PSMD14: variants seen among roughly 807,000 people sequenced by gnomAD.
The protein encoded by PSMD14 is ubiquitin C-terminal hydrolase PSMD14.
In PSMD14, 7 loss-of-function variants were observed where a neutral mutation model predicts 41.2. That is an observed-to-expected ratio of 0.17 (90% CI 0.10 to 0.32). The LOEUF is 0.32. Among genes scored for constraint, PSMD14 ranks in the 10% least tolerant of loss-of-function variants. The probability of loss-of-function intolerance (pLI) is 1.00; values close to 1 mark genes in which losing one functional copy is unlikely to be tolerated. For missense variants in PSMD14, 139 were observed against 375.6 expected (o/e 0.37, Z 5.21); for synonymous variants, 114 against 122.3 (o/e 0.93, Z 0.45).
At position 161,394,267 on chromosome 2, in the gene PSMD14, C is replaced by G. The variant is rs1021238343; in HGVS notation, c.646-811C>G. ...GATTACAGGCATGAGCCACTGTGCC[C>G]GGCCTAGATAAATCTTTTATTTGAG... On this transcript the variant is annotated intron_variant, in intron 9 of 11. Transcript: ENST00000409682. 2.0e-5 allele frequency among the ~76,000 whole-genome samples: 3 copies of G among 152,092 alleles called. No individual in the cohort carries two copies. The East Asian group carries it at 5.8e-4, about 29-fold the overall frequency.
intron 7 of PSMD14, among the ~76,000 whole-genome samples, chr2:161,376,168 G>A (rs1374152947): frequency 6.6e-6 from 1 of 150,460 alleles, no homozygotes; most frequent in African/African-American, 2.4e-5. Context: ...AAAGAACACA[G>A]ACTTAGGGGT....
chr2:161,351,532 C>T lies in PSMD14; in HGVS notation c.49-15946C>T, dbSNP rs1574126258. ...TTCTCTGTAAAGGAAAGCCCTTTGCCCCCATTGTGTATTAATGAATTTACT... is the reference window on the plus strand; with the variant it reads ...TTCTCTGTAAAGGAAAGCCCTTTGCTCCCATTGTGTATTAATGAATTTACT... On this transcript the variant is annotated intron_variant, in intron 3 of 11. Transcript: ENST00000409682. Among the ~76,000 whole-genome samples, 3 of 152,186 alleles carry T rather than the reference C, an allele frequency of 2.0e-5. No individual in the cohort carries two copies. The South Asian group carries it at 6.2e-4, about 32-fold the overall frequency.
intron 3 of PSMD14, among the ~76,000 whole-genome samples, chr2:161,347,036 T>C (rs1297344944): frequency 6.6e-6 from 1 of 152,174 alleles, no homozygotes; most frequent in Non-Finnish European, 1.5e-5. Flanking sequence ...ATCTCAGCTC[T>C]GTCATCTCAA....
rs1437056560 is a variant in PSMD14, at chr2:161,391,097, T to C, written c.571-7T>C. 1.4e-6 allele frequency: 2 copies of C among 1,481,272 alleles called. No homozygotes were observed. Among genetic ancestry groups the C allele is most frequent in the Non-Finnish European group, 1.8e-6 (2 of 1,114,440 alleles). The allele number at this position is 1,481,272 out of a possible 1,614,324, so 91.8% of individuals were successfully genotyped here. ...TTTGTCCTTTTTAAAATCATTTATC[T>C]ATATAGGCATTAATTCATGGACTAA... On this transcript the variant is annotated splice_region_variant and splice_polypyrimidine_tract_variant and intron_variant, in intron 8 of 11. Coordinates refer to ENST00000409682, the MANE Select transcript of PSMD14 (RefSeq NM_005805.6).
intron 1 of PSMD14, among the ~76,000 whole-genome samples, chr2:161,314,523 T>C (rs1411283362): frequency 1.3e-5 from 2 of 152,214 alleles, no homozygotes; most frequent in Non-Finnish European, 2.9e-5. Context: ...AAAAATATCT[T>C]AGCAATTTAG....
chr2:161,397,873 A>G (rs964958788), intron 10 of PSMD14, among the ~76,000 whole-genome samples: 9 of 152,182 alleles, frequency 5.9e-5, no homozygotes, highest in Non-Finnish European at 1.3e-4. Flanking sequence ...CATGCTGTGG[A>G]GATTAGATAA....
At chr2:161,396,282 C>T (rs1683793131) in intron 10 of PSMD14, among the ~76,000 whole-genome samples, 1 of 152,160 alleles carries the variant, frequency 6.6e-6, no homozygotes, top group South Asian at 2.1e-4. Flanking sequence ...ACTGGTTGCA[C>T]ATCCAAAGGA....
rs537098888 is a variant in PSMD14, at chr2:161,368,548, T to C, written c.240+645T>C. ...GTTTGATGCATTAGACTTGTGTTGA[T>C]AGATGTGCATTTTGACTGAAAGAAA... On this transcript the variant is annotated intron_variant, in intron 5 of 11. Coordinates refer to ENST00000409682, the MANE Select transcript of PSMD14 (RefSeq NM_005805.6). Among the ~76,000 whole-genome samples the C allele has an allele frequency of 1.8e-4, 27 of 152,182 alleles. No individual in the cohort carries two copies. In the South Asian group the frequency reaches 5.6e-3, roughly 32 times the overall value.
At chr2:161,341,122 C>T in intron 3 of PSMD14, 2 of 1,297,972 alleles carry the variant, frequency 1.5e-6, no homozygotes, top group Non-Finnish European at 2.0e-6. Context: ...TCCGGCCCCG[C>T]GGGCGAGGCC....
intron 1 of PSMD14, among the ~76,000 whole-genome samples, chr2:161,315,188 A>T (rs1052050397): frequency 2.6e-5 from 4 of 152,216 alleles, no homozygotes; most frequent in African/African-American, 9.6e-5. Flanking sequence ...TCACAGCTGG[A>T]TAGGTGCTGC....
intron 1 of PSMD14, among the ~76,000 whole-genome samples, chr2:161,312,393 C>T (rs186195916): frequency 2.2e-4 from 33 of 152,330 alleles, no homozygotes; most frequent in African/African-American, 7.2e-4. Flanking sequence ...ATCTGCCCCC[C>T]TCGGCCTCCC....
At chr2:161,345,993 G>A (rs1683036427) in intron 3 of PSMD14, among the ~76,000 whole-genome samples, 1 of 152,080 alleles carries the variant, frequency 6.6e-6, no homozygotes, top group Admixed American at 6.5e-5. Context: ...CCAGGCTTAG[G>A]CGATCCTCCC....
intron 3 of PSMD14, among the ~76,000 whole-genome samples, chr2:161,347,933 G>GA (rs34752550): frequency 6.6e-6 from 1 of 152,180 alleles, no homozygotes; most frequent in Non-Finnish European, 1.5e-5. Context: ...TACGGCTTGG[G>GA]AAAGTTTTAT....
intron 3 of PSMD14, among the ~76,000 whole-genome samples, chr2:161,336,773 A>G (rs903182656): frequency 6.6e-6 from 1 of 152,086 alleles, no homozygotes; most frequent in Admixed American, 6.5e-5. Context: ...ATGGAGTTTC[A>G]CCATGTTGGC....
rs1474150601 is a variant in PSMD14, at chr2:161,385,482, A to C, written c.481A>C (p.Arg161=). 6.2e-7 allele frequency: 1 copy of C among 1,605,186 alleles called. No homozygotes were observed. Among genetic ancestry groups the C allele is most frequent in the African/African-American group, 1.3e-5 (1 of 74,522 alleles). The change falls in exon 8 of 12, where the codon AGA becomes CGA. Residue 161 remains arginine, a synonymous_variant. Coordinates refer to ENST00000409682, the MANE Select transcript of PSMD14 (RefSeq NM_005805.6). ...TTTACAGGTTGTTATTGATGCCTTC[A>C]GATTGATCAATGCTAATATGATGGT... ...VKGKVVIDAF[R]LINANMMVLG...
At position 161,323,567 on chromosome 2, in the gene PSMD14, G is replaced by A. The variant is rs149112728; in HGVS notation, c.48+4694G>A. The stretch of plus-strand genomic sequence containing the variant: ...AATCCCAGCTACTCAGGAGGCTGAA[G>A]CAGGAGAATCACTTGAACCCAGGAG... On this transcript the variant is annotated intron_variant, in intron 3 of 11. Coordinates refer to ENST00000409682, the MANE Select transcript of PSMD14 (RefSeq NM_005805.6). Among the ~76,000 whole-genome samples the A allele has an allele frequency of 9.3e-3, 1,418 of 152,224 alleles. 9 individuals are homozygous for A. Among genetic ancestry groups the A allele is most frequent in the Non-Finnish European group, 0.014 (945 of 68,012 alleles).
chr2:161,322,168 A>G (rs1393988500), intron 3 of PSMD14, among the ~76,000 whole-genome samples: 1 of 152,190 alleles, frequency 6.6e-6, no homozygotes, highest in Non-Finnish European at 1.5e-5. Flanking sequence ...ACTCAGGATA[A>G]AGACCAGATT....
intron 3 of PSMD14, among the ~76,000 whole-genome samples, chr2:161,344,168 T>C (rs547892891): frequency 2.6e-5 from 4 of 152,212 alleles, no homozygotes; most frequent in African/African-American, 9.6e-5. Flanking sequence ...CCAAGGGTAC[T>C]GAGGGATGAC....
At chr2:161,378,992 A>G (rs968086186) in intron 7 of PSMD14, among the ~76,000 whole-genome samples, 1 of 152,020 alleles carries the variant, frequency 6.6e-6, no homozygotes, top group African/African-American at 2.4e-5. Flanking sequence ...TATACTTTGT[A>G]TTTTTGTTTG....
Sources: allele counts gnomAD v4.1 joint callset (sites outside exome capture counted in the v4.1 genomes callset), GRCh38; gene constraint gnomAD v4.1.1; transcripts MANE v1.5; gene names NCBI Gene and HGNC (gene_info 2026-07-23, HGNC 2026-07-21).